SLC8A3: variants seen among roughly 807,000 people sequenced by gnomAD.
The protein encoded by SLC8A3 is solute carrier family 8 member A3, also known as sodium/calcium exchanger 3.
Under a neutral mutation model 65.4 loss-of-function variants are expected in SLC8A3, and 37 were observed. That is an observed-to-expected ratio of 0.57 (90% CI 0.44 to 0.74). The LOEUF is 0.74. SLC8A3 is among the 30% of genes least tolerant of loss of function. The pLI is 0.00. For missense variants in SLC8A3, 1,112 were observed against 1,172.1 expected, an observed-to-expected ratio of 0.95 and a Z score of 0.75; for synonymous variants, 461 against 444.5, an observed-to-expected ratio of 1.04 and a Z score of -0.47.
chr14:70,138,294 G>A (rs181619406), intron 2 of SLC8A3, among the ~76,000 whole-genome samples: 49 of 152,194 alleles, frequency 3.2e-4, no homozygotes, highest in Admixed American at 9.2e-4. Context: ...GGCAGGGATT[G>A]TATCTTCTTT....
chr14:70,169,886 A>T lies in SLC8A3; in HGVS notation c.-62-1402T>A, dbSNP rs539744286. On this transcript the variant is annotated intron_variant, in intron 1 of 6. Transcript: ENST00000356921. ...CCCAGTTACTCATGTTAGAAAGCAG[A>T]TGTTAGTCTGAAAGCCTTCATCTCT... is the stretch of plus-strand genomic sequence containing the variant. 5.9e-5 allele frequency among the ~76,000 whole-genome samples: 9 copies of T among 152,214 alleles called. No individual in the cohort carries two copies. The South Asian group carries it at 1.7e-3, about 28-fold the overall frequency.
intron 2 of SLC8A3, among the ~76,000 whole-genome samples, chr14:70,150,193 A>G (rs2140303426): frequency 6.6e-6 from 1 of 152,328 alleles, no homozygotes; most frequent in African/African-American, 2.4e-5. Flanking sequence ...ACTAGGCACT[A>G]TGCTAAACGT....
chr14:70,063,899 A>G (rs1345948105), intron 2 of SLC8A3: 5 of 1,609,616 alleles, frequency 3.1e-6, no homozygotes, highest in Non-Finnish European at 4.3e-6. Flanking sequence ...CATATGCCTC[A>G]TCATCAATTA....
intron 2 of SLC8A3, among the ~76,000 whole-genome samples, chr14:70,124,275 G>A (rs985005175): frequency 6.6e-6 from 1 of 152,216 alleles, no homozygotes; most frequent in Non-Finnish European, 1.5e-5. Context: ...GATAATGTCT[G>A]CTCTAAATCC....
At chr14:70,060,961 G>A in intron 2 of SLC8A3, 22 bp from the exon 3 acceptor site, 7 of 1,129,696 alleles carry the variant, frequency 6.2e-6, no homozygotes, top group Non-Finnish European at 7.7e-6. Flanking sequence ...ACAAGAGAGA[G>A]AGTGTGTCGA....
At chr14:70,087,105 T>C (rs897194481) in intron 2 of SLC8A3, among the ~76,000 whole-genome samples, 1 of 152,254 alleles carries the variant, frequency 6.6e-6, no homozygotes, top group Non-Finnish European at 1.5e-5. Flanking sequence ...CAAGAATCTC[T>C]AGCCATCTAA....
At chr14:70,146,174 A>T (rs903016227) in intron 2 of SLC8A3, among the ~76,000 whole-genome samples, 5 of 152,190 alleles carry the variant, frequency 3.3e-5, no homozygotes, top group African/African-American at 1.2e-4. Flanking sequence ...CCACTTGAAC[A>T]TTAACTCTCC....
chr14:70,110,810 A>G (rs1456390744), intron 2 of SLC8A3, among the ~76,000 whole-genome samples: 1 of 150,992 alleles, frequency 6.6e-6, no homozygotes, highest in Non-Finnish European at 1.5e-5. Context: ...CCTTCCGAGT[A>G]GCTGGAAATA....
intron 2 of SLC8A3, among the ~76,000 whole-genome samples, chr14:70,100,674 T>C (rs1892498532): frequency 6.6e-6 from 1 of 152,168 alleles, no homozygotes; most frequent in Non-Finnish European, 1.5e-5. Context: ...GCCTACATGA[T>C]TCCAATCTGA....
At chr14:70,103,213 C>A (rs1054867643) in intron 2 of SLC8A3, among the ~76,000 whole-genome samples, 1 of 151,670 alleles carries the variant, frequency 6.6e-6, no homozygotes, top group Non-Finnish European at 1.5e-5. Context: ...ATTTCAAAAA[C>A]GAAGGCAAAA....
At chr14:70,067,871 G>A (rs1468565188) in intron 2 of SLC8A3, among the ~76,000 whole-genome samples, 3 of 152,196 alleles carry the variant, frequency 2.0e-5, no homozygotes, top group African/African-American at 7.2e-5. Flanking sequence ...TTCCCGCACA[G>A]TGGCAGTTAC....
At position 70,068,021 on chromosome 14, in the gene SLC8A3, A is replaced by G. The variant is rs1889634232; in HGVS notation, c.1785-7082T>C. Among the ~76,000 whole-genome samples, 4 of 152,360 alleles carry G rather than the reference A, an allele frequency of 2.6e-5. No homozygotes were observed. The South Asian group carries it at 8.3e-4, about 32-fold the overall frequency. On this transcript the variant is annotated intron_variant, in intron 2 of 6. Transcript: ENST00000356921. ...CCAATGCACACAGCGTTCCCAGAACAGACCTGGCTGAGCTGCTGCGGAAAC... is the reference window on the plus strand; with the variant it reads ...CCAATGCACACAGCGTTCCCAGAACGGACCTGGCTGAGCTGCTGCGGAAAC...
chr14:70,128,056 C>T (rs908448749), intron 2 of SLC8A3, among the ~76,000 whole-genome samples: 20 of 152,144 alleles, frequency 1.3e-4, no homozygotes, highest in African/African-American at 4.6e-4. Context: ...GCCCCCAAAA[C>T]CTTACAAACT....
intron 2 of SLC8A3, among the ~76,000 whole-genome samples, chr14:70,072,642 C>T (rs867945960): frequency 1.9e-4 from 29 of 151,638 alleles, no homozygotes; most frequent in African/African-American, 6.8e-4. Flanking sequence ...TCTCTGCAAC[C>T]TGAACTTTTC....
intron 2 of SLC8A3, among the ~76,000 whole-genome samples, chr14:70,095,322 G>A (rs116380969): frequency 6.6e-6 from 1 of 152,176 alleles, no homozygotes; most frequent in Non-Finnish European, 1.5e-5. Context: ...TGGGCTCTGG[G>A]ACAAAGTAGA....
intron 2 of SLC8A3, chr14:70,079,888 C>T (rs2169074): frequency 0.44 from 67,959 of 155,598 alleles, 15,753 homozygotes; most frequent in South Asian, 0.65. Flanking sequence ...AACACATAAA[C>T]TCTGGGGCCA....
intron 2 of SLC8A3, among the ~76,000 whole-genome samples, chr14:70,086,544 G>T (rs1367778507): frequency 6.6e-6 from 1 of 151,748 alleles, no homozygotes; most frequent in African/African-American, 2.4e-5. Flanking sequence ...TGGGATTACA[G>T]GAGCCCGCCA....
intron 2 of SLC8A3, among the ~76,000 whole-genome samples, chr14:70,153,754 G>A (rs1896414476): frequency 6.6e-6 from 1 of 152,172 alleles, no homozygotes; most frequent in African/African-American, 2.4e-5. Flanking sequence ...CAACAGGGCT[G>A]GCATAGGCTC....
chr14:70,048,627 A>G (rs1413813138), intron 6 of SLC8A3, 140 bp downstream of exon 6: 1 of 765,232 alleles, frequency 1.3e-6, no homozygotes, highest in South Asian at 1.5e-5. Flanking sequence ...CATCTCTTTG[A>G]TTGACTTTTG....
Sources: allele counts gnomAD v4.1 joint callset (sites outside exome capture counted in the v4.1 genomes callset), GRCh38; gene constraint gnomAD v4.1.1; transcripts MANE v1.5; gene names NCBI Gene and HGNC (gene_info 2026-07-23, HGNC 2026-07-21).